Variants in RPH3AL observed in about 807,000 individuals in gnomAD.
The protein encoded by RPH3AL is rabphilin 3A like (without C2 domains).
In RPH3AL, 38 loss-of-function variants were observed where a neutral mutation model predicts 43.1. The observed-to-expected ratio is 0.88, with a 90% CI of 0.68 to 1.15. The LOEUF is 1.15. Ranked by LOEUF, RPH3AL falls within the 50% of genes most tolerant of loss-of-function variation. The pLI is 0.00. For missense variants in RPH3AL, 462 were observed against 423.2 expected (o/e 1.09, Z -0.81); for synonymous variants, 189 against 176.3 (o/e 1.07, Z -0.57).
intron 8 of RPH3AL, among the ~76,000 whole-genome samples, chr17:216,388 G>C (rs530580011): frequency 2.1e-5 from 3 of 142,946 alleles, no homozygotes; most frequent in Admixed American, 1.4e-4. Flanking sequence ...GTGGGGGTGG[G>C]GGATATATAT....
At chr17:347,127 A>G (rs1454206742) in intron 1 of RPH3AL, among the ~76,000 whole-genome samples, 1 of 134,618 alleles carries the variant, frequency 7.4e-6, no homozygotes, top group Admixed American at 7.2e-5. Flanking sequence ...GCATGGTGGC[A>G]GGCACCTGTA....
intron 5 of RPH3AL, among the ~76,000 whole-genome samples, chr17:297,374 T>G (rs944724729): frequency 6.6e-6 from 1 of 152,216 alleles, no homozygotes; most frequent in Non-Finnish European, 1.5e-5. Flanking sequence ...GTATGGGTTG[T>G]GGGAACCCCG....
At chr17:295,792 C>G (rs376751063) in intron 5 of RPH3AL, among the ~76,000 whole-genome samples, 7,187 of 38,422 alleles carry the variant, frequency 0.19, 33 homozygotes, top group Admixed American at 0.24. Flanking sequence ...CAGAAATGGA[C>G]GGGCAGAGGG....
intron 5 of RPH3AL, among the ~76,000 whole-genome samples, chr17:316,827 C>G (rs1263832920): frequency 1.4e-5 from 2 of 140,814 alleles, no homozygotes; most frequent in African/African-American, 5.9e-5. Context: ...CTCCATTGAC[C>G]TGTAGTCCCT....
intron 5 of RPH3AL, among the ~76,000 whole-genome samples, chr17:314,472 C>G (rs1446167470): frequency 7.2e-6 from 1 of 138,676 alleles, no homozygotes; most frequent in Non-Finnish European, 1.6e-5. Context: ...TCTATGCCCC[C>G]ACCTCCATTG....
intron 5 of RPH3AL, among the ~76,000 whole-genome samples, chr17:305,954 G>A (rs982115498): frequency 6.6e-6 from 1 of 150,956 alleles, no homozygotes; most frequent in African/African-American, 2.4e-5. Context: ...AAGCCTTCCA[G>A]GCTCAAGCAA....
At chr17:276,275 T>C (rs2042653207) in intron 6 of RPH3AL, among the ~76,000 whole-genome samples, 1 of 152,228 alleles carries the variant, frequency 6.6e-6, no homozygotes, top group Non-Finnish European at 1.5e-5. Context: ...CTCTCATTTT[T>C]AGGGATGAAA....
chr17:249,183 G>A (rs77063493), intron 6 of RPH3AL, among the ~76,000 whole-genome samples: 3,344 of 152,216 alleles, frequency 0.022, 134 homozygotes, highest in African/African-American at 0.075. Context: ...TATTTAGTCA[G>A]GAGGGGTGGG....
chr17:351,938 T>TC (rs1442453420), intron 1 of RPH3AL, among the ~76,000 whole-genome samples: 4 of 152,112 alleles, frequency 2.6e-5, no homozygotes, highest in Non-Finnish European at 5.9e-5. Flanking sequence ...GGGACAAGGG[T>TC]CCCGAAACGG....
chr17:350,734 A>C (rs1674677163), intron 1 of RPH3AL, among the ~76,000 whole-genome samples: 1 of 152,204 alleles, frequency 6.6e-6, no homozygotes, highest in Admixed American at 6.5e-5. Flanking sequence ...CTCTGCACTA[A>C]AAGGATGAAA....
chr17:274,263 C>T lies in RPH3AL; in HGVS notation c.438+7505G>A, dbSNP rs2042602317. Reference sequence around the variant, plus strand: ...GGGCCTCTGACAGCTCAGCACCAGGCTCCACATCAGGTGAGGGGATGAGGC... The same window carrying T: ...GGGCCTCTGACAGCTCAGCACCAGGTTCCACATCAGGTGAGGGGATGAGGC... On this transcript the variant is annotated intron_variant, in intron 6 of 9. Transcript: ENST00000331302. The surrounding 1 kb of genome is among the most constrained non-coding windows in gnomAD (Gnocchi z 4.7). Among the ~76,000 whole-genome samples, 1 of 152,272 alleles carries T rather than the reference C, an allele frequency of 6.6e-6. No individual in the cohort carries two copies. Among genetic ancestry groups the T allele is most frequent in the Non-Finnish European group, 1.5e-5 (1 of 68,044 alleles).
At chr17:249,765 T>G (rs1174575228) in intron 6 of RPH3AL, among the ~76,000 whole-genome samples, 1 of 151,488 alleles carries the variant, frequency 6.6e-6, no homozygotes, top group African/African-American at 2.4e-5. Flanking sequence ...TCTCAGAGCC[T>G]TTACTAAGCT....
At chr17:281,908 C>A in intron 5 of RPH3AL, 54 bp from the exon 6 acceptor site, 1 of 1,379,790 alleles carries the variant, frequency 7.2e-7, no homozygotes, top group Non-Finnish European at 1.0e-6. Context: ...CCTCCTCCGC[C>A]GAGGGGCTCA....
At chr17:218,737 A>G (rs910265824) in intron 8 of RPH3AL, among the ~76,000 whole-genome samples, 13 of 152,134 alleles carry the variant, frequency 8.5e-5, no homozygotes, top group African/African-American at 3.1e-4. Flanking sequence ...AGTTTCCCAG[A>G]GGGTGAGCTC....
chr17:302,944 G>A (rs72806051), intron 5 of RPH3AL, among the ~76,000 whole-genome samples: 10,278 of 152,210 alleles, frequency 0.068, 448 homozygotes, highest in East Asian at 0.15. Context: ...CGGGAGCTTC[G>A]CATTTCACAC....
At chr17:240,712 G>A (rs538149665) in intron 7 of RPH3AL, among the ~76,000 whole-genome samples, 2 of 152,216 alleles carry the variant, frequency 1.3e-5, no homozygotes, top group East Asian at 3.9e-4. Flanking sequence ...ATGAGTTGTT[G>A]CCACTTTTTG....
At chr17:226,379 G>A (rs376314128) in intron 7 of RPH3AL, among the ~76,000 whole-genome samples, 5 of 152,256 alleles carry the variant, frequency 3.3e-5, no homozygotes, top group African/African-American at 7.2e-5. Flanking sequence ...GGCCACAGCC[G>A]TGAAGAAGCA....
At chr17:232,830 G>A (rs1460038437) in intron 7 of RPH3AL, among the ~76,000 whole-genome samples, 2 of 1,246 alleles carry the variant, frequency 1.6e-3, no homozygotes, top group East Asian at 0.01. Context: ...CCTTTCCGGC[G>A]TGTGTGTGTG....
At chr17:230,937 T>C (rs1004345507) in intron 7 of RPH3AL, among the ~76,000 whole-genome samples, 2 of 152,186 alleles carry the variant, frequency 1.3e-5, no homozygotes, top group African/African-American at 2.4e-5. Flanking sequence ...CCACCCGCCT[T>C]GGCCTCCCGA....
Sources: gnomAD v4.1 joint callset for allele counts (sites outside exome capture counted in the v4.1 genomes callset) on GRCh38, gnomAD v4.1.1 for gene constraint, Gnocchi (gnomAD v3.1) non-coding constraint, MANE v1.5 for transcripts, NCBI Gene and HGNC (gene_info 2026-07-23, HGNC 2026-07-21) for gene names.